Variants in CLSTN2 observed in about 807,000 individuals in gnomAD.
CLSTN2 encodes calsyntenin-2.
In CLSTN2, 48 loss-of-function variants were observed where a neutral mutation model predicts 101.2. The observed-to-expected ratio is 0.47, with a 90% CI of 0.38 to 0.60. The LOEUF (loss-of-function observed/expected upper bound fraction) is 0.60. CLSTN2 is among the 20% of genes least tolerant of loss of function. CLSTN2 has a pLI of 0.00. For synonymous variants in CLSTN2, 481 were observed against 463.6 expected (o/e 1.04, Z -0.48); for missense variants, 1,160 against 1,238.2 (o/e 0.94, Z 0.95).
In CLSTN2 at chr3:140,567,050, A is replaced by G. The variant is rs1391119731; in HGVS notation, c.*797A>G. The G allele has an allele frequency of 6.5e-6, 1 of 152,826 alleles. No individual in the cohort carries two copies. Among genetic ancestry groups the G allele is most frequent in the African/African-American group, 2.4e-5 (1 of 41,474 alleles). 9.5% of individuals were successfully genotyped at this position (152,826 alleles called of 1,614,324 possible). ...AACCACAGGGCCCAGGAGGCATTCC[A>G]CACAGGCACTGCCCCAGGACAACAC... On this transcript the variant is annotated 3_prime_UTR_variant, in exon 17 of 17. Transcript: ENST00000458420.
chr3:140,123,239 T>C (rs772111780), intron 1 of CLSTN2, among the ~76,000 whole-genome samples: 11 of 151,702 alleles, frequency 7.3e-5, no homozygotes, highest in Middle Eastern at 3.4e-3. Flanking sequence ...GAGGGCCCAG[T>C]TGATTCATTC....
At chr3:140,334,506 G>T (rs143249928) in intron 2 of CLSTN2, among the ~76,000 whole-genome samples, 2 of 152,334 alleles carry the variant, frequency 1.3e-5, no homozygotes, top group African/African-American at 4.8e-5. Flanking sequence ...ACTGCTCTGT[G>T]CCAGGCCCTG....
intron 1 of CLSTN2, among the ~76,000 whole-genome samples, chr3:139,982,677 G>A (rs561621515): frequency 4.5e-4 from 69 of 152,266 alleles, no homozygotes; most frequent in African/African-American, 1.6e-3. Context: ...AAATCCTCCT[G>A]TGGAGTAATG....
At chr3:140,025,376 G>A (rs905098269) in intron 1 of CLSTN2, among the ~76,000 whole-genome samples, 16 of 152,176 alleles carry the variant, frequency 1.1e-4, no homozygotes, top group African/African-American at 3.9e-4. Context: ...AGTTCTGGGG[G>A]CTCTGGGCTC....
chr3:140,304,910 C>T (rs775116392), intron 2 of CLSTN2, among the ~76,000 whole-genome samples: 20 of 151,972 alleles, frequency 1.3e-4, no homozygotes, highest in Non-Finnish European at 2.1e-4. Context: ...GTTGTAAGTC[C>T]GAAGTAAAAT....
chr3:140,057,896 C>A (rs1031493179), intron 1 of CLSTN2, among the ~76,000 whole-genome samples: 12 of 152,136 alleles, frequency 7.9e-5, no homozygotes, highest in Non-Finnish European at 1.5e-4. Flanking sequence ...ACTGCAGTAA[C>A]CCATGGAAAT....
chr3:140,548,820 G>A (rs1559901437), intron 10 of CLSTN2, among the ~76,000 whole-genome samples: 1 of 152,172 alleles, frequency 6.6e-6, no homozygotes, highest in Admixed American at 6.5e-5. Context: ...GGAAGCCACT[G>A]AAGGCTCAGG....
chr3:140,414,900 A>T (rs1000359575), intron 4 of CLSTN2, among the ~76,000 whole-genome samples: 3 of 152,060 alleles, frequency 2.0e-5, no homozygotes, highest in Admixed American at 1.3e-4. Context: ...ACAAACCTGG[A>T]GGTATTACAT....
chr3:140,199,866 G>A (rs1050345459), intron 2 of CLSTN2, among the ~76,000 whole-genome samples: 8 of 152,192 alleles, frequency 5.3e-5, no homozygotes, highest in African/African-American at 1.9e-4. Flanking sequence ...CACTTAATTA[G>A]ACTTTAATGA....
intron 1 of CLSTN2, among the ~76,000 whole-genome samples, chr3:139,961,702 T>A (rs1935514438): frequency 2.0e-5 from 3 of 152,182 alleles, no homozygotes; most frequent in Non-Finnish European, 2.9e-5. Flanking sequence ...GATTAGCGGA[T>A]TTTCTTAAAT....
chr3:140,361,637 G>A (rs1350329242), intron 2 of CLSTN2, among the ~76,000 whole-genome samples: 1 of 152,146 alleles, frequency 6.6e-6, no homozygotes, highest in Non-Finnish European at 1.5e-5. Context: ...CAAGATTGCA[G>A]TTACAAGATC....
chr3:140,409,802 A>G (rs2107982885), intron 4 of CLSTN2, among the ~76,000 whole-genome samples: 1 of 152,292 alleles, frequency 6.6e-6, no homozygotes, highest in African/African-American at 2.4e-5. Flanking sequence ...CAATTAACTA[A>G]ATCAGGAAAA....
chr3:140,275,624 T>G (rs1348111153), intron 2 of CLSTN2, among the ~76,000 whole-genome samples: 3 of 152,122 alleles, frequency 2.0e-5, no homozygotes, highest in Admixed American at 1.3e-4. Context: ...GGTCTTCTGC[T>G]AGGAAGCCCC....
chr3:140,418,455 G>A (rs2088454507), intron 4 of CLSTN2, among the ~76,000 whole-genome samples: 1 of 151,360 alleles, frequency 6.6e-6, no homozygotes, highest in African/African-American at 2.4e-5. Context: ...ATTGTTAGAA[G>A]TAGTCCAGAG....
chr3:140,465,028 G>T (rs1933656053), intron 7 of CLSTN2, among the ~76,000 whole-genome samples: 1 of 152,184 alleles, frequency 6.6e-6, no homozygotes. Flanking sequence ...TTTGTTCTGG[G>T]CAGATGCATT....
chr3:140,303,748 G>GCT (rs2087083849), intron 2 of CLSTN2, among the ~76,000 whole-genome samples: 1 of 152,048 alleles, frequency 6.6e-6, no homozygotes, highest in East Asian at 1.9e-4. Context: ...TAACACAGGG[G>GCT]CTCTAGAGGA....
chr3:140,562,719 G>A (rs1336479550), intron 13 of CLSTN2, 92 bp from the exon 14 acceptor site: 3 of 1,329,442 alleles, frequency 2.3e-6, no homozygotes, highest in Non-Finnish European at 3.1e-6. Flanking sequence ...CAAGACCCAT[G>A]AGGTCTTGTA....
chr3:140,213,802 C>A (rs1319324419), intron 2 of CLSTN2, among the ~76,000 whole-genome samples: 2 of 152,050 alleles, frequency 1.3e-5, no homozygotes, highest in African/African-American at 4.8e-5. Flanking sequence ...GTATTGGCTT[C>A]AGTAAGATTG....
At chr3:140,166,535 T>TAA (rs777709871) in intron 1 of CLSTN2, among the ~76,000 whole-genome samples, 1 of 152,298 alleles carries the variant, frequency 6.6e-6, no homozygotes, top group Non-Finnish European at 1.5e-5. Context: ...CATCTTTAGG[T>TAA]AAAAGCATAA....
Sources: allele counts gnomAD v4.1 joint callset (sites outside exome capture counted in the v4.1 genomes callset), GRCh38; gene constraint gnomAD v4.1.1; transcripts MANE v1.5; gene names NCBI Gene and HGNC (gene_info 2026-07-23, HGNC 2026-07-21).